FGD5: variants seen among roughly 807,000 people sequenced by gnomAD.
FGD5 encodes the protein FYVE, RhoGEF and PH domain containing 5.
FGD5 carries 28 observed loss-of-function variants against 133.4 expected under a neutral mutation model. That is an observed-to-expected ratio of 0.21 (90% CI 0.16 to 0.29). The LOEUF (loss-of-function observed/expected upper bound fraction) is 0.29. Among genes scored for constraint, FGD5 ranks in the 10% least tolerant of loss-of-function variants. FGD5 has a pLI of 1.00. For missense variants in FGD5, 1,858 were observed against 1,895.2 expected, an observed-to-expected ratio of 0.98 and a Z score of 0.36; for synonymous variants, 810 against 776.5, an observed-to-expected ratio of 1.04 and a Z score of -0.72.
intron 4 of FGD5, 29 bp from the exon 5 acceptor site, chr3:14,897,480 T>C (rs1486520077): frequency 6.3e-7 from 1 of 1,591,510 alleles, no homozygotes; most frequent in Non-Finnish European, 8.6e-7. Flanking sequence ...CCTATCAACC[T>C]GTGGGTAACA....
chr3:14,851,753 G>A (rs1378268400), intron 1 of FGD5, among the ~76,000 whole-genome samples: 11 of 151,862 alleles, frequency 7.2e-5, no homozygotes, highest in Admixed American at 7.2e-4. Context: ...AGCCTCACTT[G>A]ATTATCTGAA....
At chr3:14,843,939 C>G (rs1302958956) in intron 1 of FGD5, among the ~76,000 whole-genome samples, 1 of 151,470 alleles carries the variant, frequency 6.6e-6, no homozygotes, top group East Asian at 2.0e-4. Flanking sequence ...AGGTGATCTG[C>G]TCGCCTCGGC....
Position 14,819,350 on chromosome 3 carries a change from G to A in FGD5, c.279G>A (p.Glu93=). Residue 93 remains glutamate (E), a synonymous_variant, in exon 1 of 20, where the codon GAG becomes GAA. Coordinates refer to ENST00000285046, the MANE Select transcript of FGD5 (RefSeq NM_152536.4). This position sits in a 1 kb window ranked among gnomAD's most constrained non-coding sequence, Gnocchi z 4.1. Reference sequence around the variant, plus strand: ...GGAACAAAGCCCTGGTGTCTCCCGAGTCCTCTGCGGAAGAGGAAGAGGAGC... The same window carrying A: ...GGAACAAAGCCCTGGTGTCTCCCGAATCCTCTGCGGAAGAGGAAGAGGAGC... The part of the protein sequence containing the change: ...SVGNKALVSP[E]SSAEEEEERE... 1 of 1,547,196 alleles carries A rather than the reference G, an allele frequency of 6.5e-7. No homozygotes were observed. The highest frequency in any genetic ancestry group is 8.7e-7 in the Non-Finnish European group (1 of 1,145,034).
Position 14,819,245 on chromosome 3 carries a change from G to C in FGD5, c.174G>C (p.Glu58Asp). ...CCCGGTCCATCCCAAAGTGCTCTGA[G>C]TCGGAGACCGACGAGGATTACATCG... is the stretch of plus-strand genomic sequence containing the variant. Reference protein sequence around the residue: ...EGPRSIPKCSESETDEDYIVV... With the variant: ...EGPRSIPKCSDSETDEDYIVV... Residue 58 changes from glutamate to aspartate, a missense_variant, in exon 1 of 20, where the codon GAG becomes GAC. Physicochemically the swap from Glu to Asp is conservative, Grantham distance 45. Coordinates refer to ENST00000285046, the MANE Select transcript of FGD5 (RefSeq NM_152536.4). The surrounding 1 kb of genome is among the most constrained non-coding windows in gnomAD (Gnocchi z 4.1). 6.5e-7 allele frequency: 1 copy of C among 1,542,180 alleles called. No individual in the cohort carries two copies. The highest frequency in any genetic ancestry group is 8.8e-7 in the Non-Finnish European group (1 of 1,142,668).
At position 14,860,302 on chromosome 3, in the gene FGD5, C is replaced by T. The variant is rs889302767; in HGVS notation, c.2526-3826C>T. 3.3e-5 allele frequency among the ~76,000 whole-genome samples: 5 copies of T among 152,204 alleles called. No individual in the cohort carries two copies. In the East Asian group the frequency reaches 9.6e-4, roughly 29 times the overall value. ...ACTCTCTGGGCTTCAGCGGGGCTTC[C>T]TTTAAGTGTTGAGAGCCTAAACGTC... is the stretch of plus-strand genomic sequence containing the variant. On this transcript the variant is annotated intron_variant, in intron 1 of 19. Coordinates refer to ENST00000285046, the MANE Select transcript of FGD5 (RefSeq NM_152536.4).
At position 14,907,628 on chromosome 3, in the gene FGD5, T is replaced by A. The variant is rs201137809; in HGVS notation, c.3265-12T>A. 1 of 1,612,762 alleles carries A rather than the reference T, an allele frequency of 6.2e-7. No homozygotes were observed. The highest frequency in any genetic ancestry group is 8.5e-7 in the Non-Finnish European group (1 of 1,179,294). On this transcript the variant is annotated splice_polypyrimidine_tract_variant and intron_variant, in intron 9 of 19. Coordinates refer to ENST00000285046, the MANE Select transcript of FGD5 (RefSeq NM_152536.4). ...CCTGACCATCTCTCCCTCACCCCAT[T>A]CCCACCCACAGGAAAACCTGCAGAA...
intron 1 of FGD5, among the ~76,000 whole-genome samples, chr3:14,831,512 A>G (rs1182001885): frequency 1.3e-5 from 2 of 152,066 alleles, no homozygotes; most frequent in African/African-American, 4.8e-5. Flanking sequence ...ACTGCTCTGG[A>G]GTGGTTTGGA....
rs2038215142 is a variant in FGD5 at position 14,900,390 on chromosome 3, A to G, written c.3155-13A>G. On this transcript the variant is annotated splice_polypyrimidine_tract_variant and intron_variant, in intron 7 of 19. Transcript: ENST00000285046. ...CACCAGTAGCTGACTCCTGGTTCTT[A>G]TCCTGCCAACAGACTATTTAAACAA... 2.5e-6 allele frequency: 4 copies of G among 1,612,862 alleles called. No individual in the cohort carries two copies. Among genetic ancestry groups the G allele is most frequent in the Non-Finnish European group, 3.4e-6 (4 of 1,179,458 alleles).
chr3:14,897,732 A>G, intron 5 of FGD5, 63 bp downstream of exon 5: 3 of 1,513,064 alleles, frequency 2.0e-6, no homozygotes, highest in Non-Finnish European at 2.7e-6. Context: ...AGACGGATAA[A>G]AACACCACCA....
rs762704227 is a variant in FGD5, at chr3:14,820,619, A to C, written c.1548A>C (p.Ala516=). The C allele has an allele frequency of 2.7e-5, 44 of 1,605,614 alleles. No homozygotes were observed. Among genetic ancestry groups the C allele is most frequent in the Admixed American group, 6.8e-5 (4 of 58,840 alleles). ...CAGCCCCTGGCATTGGAGGTGCCGCAGAGGAGGTGGGAAAGACGCTTTTGT... is the reference window on the plus strand; with the variant it reads ...CAGCCCCTGGCATTGGAGGTGCCGCCGAGGAGGTGGGAAAGACGCTTTTGT... ...GSSAPGIGGA[A]EEVGKTLLSL... The change falls in exon 1 of 20, where the codon GCA becomes GCC. Residue 516 remains alanine, a synonymous_variant. Coordinates refer to ENST00000285046, the MANE Select transcript of FGD5 (RefSeq NM_152536.4).
chr3:14,918,270 G>A (rs17040563), intron 12 of FGD5, among the ~76,000 whole-genome samples: 134 of 152,338 alleles, frequency 8.8e-4, no homozygotes, highest in East Asian at 2.7e-3. Context: ...AGCCGCAGGC[G>A]GTTGTCATTG....
chr3:14,887,682 C>A lies in FGD5; in HGVS notation c.2748+6910C>A, dbSNP rs80217497. Among the ~76,000 whole-genome samples the A allele has an allele frequency of 3.6e-3, 554 of 152,128 alleles. 5 individuals are homozygous for A. The highest frequency in any genetic ancestry group is 0.013 in the African/African-American group (532 of 41,496). On this transcript the variant is annotated intron_variant, in intron 4 of 19. Coordinates refer to ENST00000285046, the MANE Select transcript of FGD5 (RefSeq NM_152536.4). ...AGAGAGAGATTGGCAGGAAAAAGAA[C>A]AATAGTAACGCAGTGGTGGAGGGTA...
At chr3:14,847,947 G>A (rs1281901226) in intron 1 of FGD5, among the ~76,000 whole-genome samples, 1 of 152,206 alleles carries the variant, frequency 6.6e-6, no homozygotes. Flanking sequence ...CTCTAGGAAA[G>A]GGTAGCCTTT....
chr3:14,901,668 A>C (rs2125135655), intron 9 of FGD5, among the ~76,000 whole-genome samples: 1 of 152,352 alleles, frequency 6.6e-6, no homozygotes, highest in Non-Finnish European at 1.5e-5. Flanking sequence ...AAAAGAGTTC[A>C]GTGACCAGGT....
intron 1 of FGD5, among the ~76,000 whole-genome samples, chr3:14,812,545 G>C (rs2036310213): frequency 6.6e-6 from 1 of 152,114 alleles, no homozygotes; most frequent in South Asian, 2.1e-4. Flanking sequence ...TGTCGCTCTT[G>C]GGTTCAGCCT....
chr3:14,814,229 G>A (rs1263393181), upstream of FGD5, among the ~76,000 whole-genome samples: 1 of 152,192 alleles, frequency 6.6e-6, no homozygotes, highest in Non-Finnish European at 1.5e-5. Context: ...TTCTGGACAG[G>A]GAATCCAGAG....
chr3:14,865,119 A>ACCCCCCCCC (rs1216267069), intron 2 of FGD5, among the ~76,000 whole-genome samples: 2 of 140,746 alleles, frequency 1.4e-5, no homozygotes, highest in African/African-American at 2.7e-5. Flanking sequence ...CCCCCACCCA[A>ACCCCCCCCC]CCCACCCATC....
At chr3:14,884,930 G>A (rs537428173) in intron 4 of FGD5, among the ~76,000 whole-genome samples, 6 of 152,104 alleles carry the variant, frequency 3.9e-5, no homozygotes, top group Admixed American at 2.6e-4. Flanking sequence ...CCCTGGCGCC[G>A]AGGTTATCTA....
At chr3:14,855,447 T>C (rs1398631067) in intron 1 of FGD5, among the ~76,000 whole-genome samples, 2 of 152,224 alleles carry the variant, frequency 1.3e-5, no homozygotes, top group African/African-American at 4.8e-5. Context: ...TTCTCCATAG[T>C]GGCTCTACTG....
Sources: gnomAD v4.1 joint callset for allele counts (sites outside exome capture counted in the v4.1 genomes callset) on GRCh38, gnomAD v4.1.1 for gene constraint, Gnocchi (gnomAD v3.1) non-coding constraint, MANE v1.5 for transcripts, NCBI Gene and HGNC (gene_info 2026-07-23, HGNC 2026-07-21) for gene names.